Variants in IFNLR1 observed in about 807,000 individuals in gnomAD.
IFNLR1 encodes interferon lambda receptor 1, also known as CRF2-12.
Under a neutral mutation model 52.5 loss-of-function variants are expected in IFNLR1, and 28 were observed. The ratio of observed to expected loss-of-function variants is 0.53; its 90% CI spans 0.40 to 0.73. The LOEUF is 0.73. Among genes scored for constraint, IFNLR1 ranks in the 30% least tolerant of loss-of-function variants. The probability of loss-of-function intolerance (pLI) is 0.00; values close to 1 mark genes in which losing one functional copy is unlikely to be tolerated. For missense variants in IFNLR1, 623 were observed against 659.1 expected (o/e 0.95, Z 0.60); for synonymous variants, 276 against 274.9 (o/e 1.00, Z -0.04).
intron 3 of IFNLR1, among the ~76,000 whole-genome samples, chr1:24,164,402 G>T (rs1369154993): frequency 1.3e-5 from 2 of 152,214 alleles, no homozygotes; most frequent in African/African-American, 4.8e-5. Context: ...TACTCTCTGT[G>T]TTCCATTTAA....
rs1044957821 is a variant in IFNLR1 at position 24,181,788 on chromosome 1, A to G, written c.59-934T>C. 4.6e-5 allele frequency among the ~76,000 whole-genome samples: 7 copies of G among 152,226 alleles called. No individual in the cohort carries two copies. In the East Asian group the frequency reaches 5.8e-4, roughly 13 times the overall value. On this transcript the variant is annotated intron_variant, in intron 1 of 6. Coordinates refer to ENST00000327535, the MANE Select transcript of IFNLR1 (RefSeq NM_170743.4). The stretch of plus-strand genomic sequence containing the variant: ...GCGCCAGAGCAATGGTCAGACAGGC[A>G]TAAACTTGGACATGGATCAGACAAG...
At chr1:24,159,737 GTTT>G in intron 4 of IFNLR1, 104 bp from the exon 5 acceptor site, 3 of 458,760 alleles carry the variant, frequency 6.5e-6, no homozygotes, top group Non-Finnish European at 1.0e-5. Context: ...TTTTTTTTTT[GTTT>G]TTTTTTTTTG....
intron 3 of IFNLR1, among the ~76,000 whole-genome samples, chr1:24,163,754 T>G (rs1266104033): frequency 1.3e-5 from 2 of 152,106 alleles, no homozygotes; most frequent in African/African-American, 4.8e-5. Flanking sequence ...TAATTTTGTA[T>G]TTTTAGTAGA....
intron 2 of IFNLR1, among the ~76,000 whole-genome samples, chr1:24,178,645 T>A (rs1386309916): frequency 1.3e-5 from 2 of 152,142 alleles, no homozygotes; most frequent in African/African-American, 4.8e-5. Context: ...TACGTCGCAA[T>A]AGACTGAAAC....
chr1:24,169,310 G>T, intron 3 of IFNLR1, 107 bp downstream of exon 3: 1 of 1,075,814 alleles, frequency 9.3e-7, no homozygotes, highest in Non-Finnish European at 1.3e-6. Flanking sequence ...CCTCTGCTTT[G>T]GGGAAGTGGG....
At chr1:24,173,155 A>C (rs1020806314) in intron 2 of IFNLR1, among the ~76,000 whole-genome samples, 1 of 151,564 alleles carries the variant, frequency 6.6e-6, no homozygotes, top group South Asian at 2.1e-4. Flanking sequence ...CCACCAAAAA[A>C]GCCTAACGAA....
chr1:24,168,222 C>T (rs905140783), intron 3 of IFNLR1, among the ~76,000 whole-genome samples: 1 of 152,052 alleles, frequency 6.6e-6, no homozygotes, highest in Non-Finnish European at 1.5e-5. Context: ...TTCTTTTATC[C>T]ATCCACCGAG....
At position 24,169,553 on chromosome 1, in the gene IFNLR1, G is replaced by A. The variant is rs1438620578; in HGVS notation, c.231C>T (p.Thr77=). 1 of 1,614,184 alleles carries A rather than the reference G, an allele frequency of 6.2e-7. No individual in the cohort carries two copies. The highest frequency in any genetic ancestry group is 8.5e-7 in the Non-Finnish European group (1 of 1,180,040). Reference sequence around the variant, plus strand: ...ACATCATAGAACATAGCAGCTCCTTGGTTCCCGCACACTCTTCCACTTCGC... The same window carrying A: ...ACATCATAGAACATAGCAGCTCCTTAGTTCCCGCACACTCTTCCACTTCGC... The part of the protein sequence containing the change: ...RWREVEECAG[T]KELLCSMMCL... The change falls in exon 3 of 7, where the codon ACC becomes ACT. Residue 77 remains threonine, a synonymous_variant. Transcript: ENST00000327535.
intron 1 of IFNLR1, among the ~76,000 whole-genome samples, chr1:24,181,488 A>G (rs1007495039): frequency 1.3e-5 from 2 of 152,022 alleles, no homozygotes; most frequent in Non-Finnish European, 2.9e-5. Context: ...ACTTAACCTG[A>G]CCCACACCCT....
chr1:24,171,972 T>A (rs925409639), intron 2 of IFNLR1, among the ~76,000 whole-genome samples: 27 of 152,012 alleles, frequency 1.8e-4, no homozygotes, highest in African/African-American at 5.6e-4. Flanking sequence ...CAGCTAATTT[T>A]AAAAAAATAT....
At chr1:24,186,084 G>T (rs1644735409) in intron 1 of IFNLR1, among the ~76,000 whole-genome samples, 2 of 152,154 alleles carry the variant, frequency 1.3e-5, no homozygotes, top group South Asian at 4.1e-4. Flanking sequence ...AGAAGGTCTG[G>T]GTTTGACAGT....
In IFNLR1 at chr1:24,159,688, C is replaced by T. The variant is rs1281118627; in HGVS notation, c.511-55G>A. The T allele has an allele frequency of 3.4e-6, 5 of 1,461,728 alleles. No homozygotes were observed. The African/African-American group carries it at 7.1e-5, about 21-fold the overall frequency. 90.5% of individuals were successfully genotyped at this position (1,461,728 alleles called of 1,614,324 possible). A position where few individuals can be genotyped will look rare whatever the true frequency, so the allele number is the denominator to read the frequency against. On this transcript the variant is annotated intron_variant, in intron 4 of 6. Transcript: ENST00000327535. ...AGCTGCTGTGGGGACTGGTTTCACACAGCCAGGACAGAGTGGGGTTGGCAG... is the reference window on the plus strand; with the variant it reads ...AGCTGCTGTGGGGACTGGTTTCACATAGCCAGGACAGAGTGGGGTTGGCAG...
intron 6 of IFNLR1, among the ~76,000 whole-genome samples, chr1:24,158,759 C>A (rs914882536): frequency 1.1e-4 from 17 of 152,158 alleles, no homozygotes; most frequent in Non-Finnish European, 1.5e-5. Context: ...GAGTGTCTCT[C>A]CTGAGGTCCA....
At chr1:24,185,757 G>T (rs957458915) in intron 1 of IFNLR1, among the ~76,000 whole-genome samples, 1 of 152,168 alleles carries the variant, frequency 6.6e-6, no homozygotes, top group Non-Finnish European at 1.5e-5. Context: ...TTCGAGCTAG[G>T]TCACATGAGA....
chr1:24,169,907 T>C (rs1386375769), intron 2 of IFNLR1, among the ~76,000 whole-genome samples: 1 of 152,214 alleles, frequency 6.6e-6, no homozygotes, highest in Non-Finnish European at 1.5e-5. Context: ...ACTGTTGCGG[T>C]GGCTGCTATT....
In IFNLR1 at chr1:24,162,814, T is replaced by TC. The variant is rs1553162190; in HGVS notation, c.368-1131_368-1130insG. ...TTTCTTTCTTTCTTTTTTCTTTCTT[T>TC]TTTTCTTCTTTCTTTCTTTTCTTTC... On this transcript the variant is annotated intron_variant, in intron 3 of 6. Coordinates refer to ENST00000327535, the MANE Select transcript of IFNLR1 (RefSeq NM_170743.4). Among the ~76,000 whole-genome samples the TC allele has an allele frequency of 5.0e-3, 338 of 67,142 alleles. 14 individuals carry two copies. The highest frequency in any genetic ancestry group is 6.9e-3 in the East Asian group (13 of 1,882). The allele number at this position is 67,142 out of a possible 152,430, so 44.0% of individuals were successfully genotyped here.
At chr1:24,163,208 C>T (rs756214771) in intron 3 of IFNLR1, among the ~76,000 whole-genome samples, 2 of 151,948 alleles carry the variant, frequency 1.3e-5, no homozygotes, top group Non-Finnish European at 2.9e-5. Context: ...GTCTTGGCCC[C>T]GCAAAGTGCT....
intron 3 of IFNLR1, among the ~76,000 whole-genome samples, chr1:24,162,822 C>CT (rs1557644118): frequency 3.0e-5 from 1 of 33,626 alleles, no homozygotes; most frequent in African/African-American, 1.0e-4. Flanking sequence ...TTTTTTTCTT[C>CT]TTTCTTTCTT....
At chr1:24,163,288 C>T (rs997194333) in intron 3 of IFNLR1, among the ~76,000 whole-genome samples, 9 of 152,038 alleles carry the variant, frequency 5.9e-5, no homozygotes, top group African/African-American at 1.9e-4. Context: ...AACACACTCC[C>T]GCAAGACTGA....
Sources: gnomAD v4.1 joint callset for allele counts (sites outside exome capture counted in the v4.1 genomes callset) on GRCh38, gnomAD v4.1.1 for gene constraint, MANE v1.5 for transcripts, NCBI Gene and HGNC (gene_info 2026-07-23, HGNC 2026-07-21) for gene names.